The following DENND6A variants were observed in gnomAD, a reference collection of about 807,000 sequenced individuals.
DENND6A encodes the protein DENN domain containing 6A.
In DENND6A, 43 loss-of-function variants were observed where a neutral mutation model predicts 95.5. The observed-to-expected ratio is 0.45, with a 90% CI of 0.35 to 0.58. DENND6A has a LOEUF of 0.58. Among genes scored for constraint, DENND6A ranks in the 20% least tolerant of loss-of-function variants. The pLI is 0.00. For missense variants in DENND6A, 574 were observed against 736.0 expected (o/e 0.78, Z 2.55); for synonymous variants, 257 against 260.4 (o/e 0.99, Z 0.13).
chr3:57,648,688 A>C (rs1041961993), intron 9 of DENND6A, among the ~76,000 whole-genome samples: 2 of 152,256 alleles, frequency 1.3e-5, no homozygotes, highest in African/African-American at 4.8e-5. Flanking sequence ...AATGGAACAG[A>C]ACAGAGAACC....
chr3:57,680,539 G>A (rs1371052927), intron 1 of DENND6A, among the ~76,000 whole-genome samples: 2 of 152,220 alleles, frequency 1.3e-5, no homozygotes, highest in African/African-American at 4.8e-5. Context: ...CCAGTACCTT[G>A]ATCTTGGACT....
intron 10 of DENND6A, among the ~76,000 whole-genome samples, chr3:57,646,039 A>G (rs139571890): frequency 1.4e-4 from 21 of 152,350 alleles, no homozygotes; most frequent in African/African-American, 4.1e-4. Context: ...CACACAAGTA[A>G]TATTTATCAA....
At chr3:57,691,914 T>C (rs905605181) in intron 1 of DENND6A, among the ~76,000 whole-genome samples, 2 of 142,446 alleles carry the variant, frequency 1.4e-5, no homozygotes, top group African/African-American at 2.5e-5. Context: ...ACACCAACTG[T>C]TCCAGAGGCA....
intron 18 of DENND6A, 136 bp from the exon 19 acceptor site, chr3:57,629,021 A>C: frequency 1.6e-6 from 1 of 611,574 alleles, no homozygotes; most frequent in Non-Finnish European, 2.7e-6. Flanking sequence ...ATATAGCATT[A>C]TAGTGCAAGA....
intron 5 of DENND6A, among the ~76,000 whole-genome samples, chr3:57,661,943 T>C (rs2071430146): frequency 6.6e-6 from 1 of 152,202 alleles, no homozygotes; most frequent in South Asian, 2.1e-4. Context: ...AGTTATATTT[T>C]ACAGTTCAAC....
At chr3:57,667,380 C>T (rs2071541246) in intron 3 of DENND6A, among the ~76,000 whole-genome samples, 1 of 151,936 alleles carries the variant, frequency 6.6e-6, no homozygotes, top group Non-Finnish European at 1.5e-5. Context: ...TGGTCTTGAA[C>T]TCCTGGGCTC....
intron 12 of DENND6A, 22 bp downstream of exon 12, chr3:57,641,629 CAG>C: frequency 6.3e-7 from 1 of 1,590,534 alleles, no homozygotes; most frequent in Non-Finnish European, 8.6e-7. Flanking sequence ...ACACTAGAAA[CAG>C]AACACCAAGT....
intron 1 of DENND6A, among the ~76,000 whole-genome samples, chr3:57,678,675 C>T (rs2077130907): frequency 1.3e-5 from 2 of 152,238 alleles, no homozygotes; most frequent in Non-Finnish European, 2.9e-5. Flanking sequence ...CTCTCTTTCT[C>T]TCTACCATGT....
intron 14 of DENND6A, among the ~76,000 whole-genome samples, chr3:57,633,800 G>A (rs946006929): frequency 6.6e-6 from 1 of 151,850 alleles, no homozygotes; most frequent in African/African-American, 2.4e-5. Context: ...TGAGACAGAA[G>A]AATTGCTTGA....
rs893826500 is a variant in DENND6A, at chr3:57,633,878, C to T, written c.1264-524G>A. On this transcript the variant is annotated intron_variant, in intron 14 of 19. Coordinates refer to ENST00000311128, the MANE Select transcript of DENND6A (RefSeq NM_152678.3). ...TGCACTCCAGCCTGGGCAACAAGAG[C>T]GAAACTCCATCTCAAAAAAAAAAAA... Among the ~76,000 whole-genome samples the T allele has an allele frequency of 4.0e-5, 6 of 148,820 alleles. No individual in the cohort carries two copies. The South Asian group carries it at 6.4e-4, about 16-fold the overall frequency.
In DENND6A at chr3:57,638,902, G is replaced by A. The variant is rs577982674; in HGVS notation, c.1132+2751C>T. On this transcript the variant is annotated intron_variant, in intron 12 of 19. Transcript: ENST00000311128. Reference sequence around the variant, plus strand: ...AGGACTGCTTGAGCACAGGAGTTTAGGACCAGCAACATTGCAAGATCCTGT... The same window carrying A: ...AGGACTGCTTGAGCACAGGAGTTTAAGACCAGCAACATTGCAAGATCCTGT... Among the ~76,000 whole-genome samples the A allele has an allele frequency of 1.3e-4, 20 of 152,026 alleles. No individual in the cohort carries two copies. The South Asian group carries it at 4.2e-3, about 32-fold the overall frequency.
chr3:57,672,664 T>C (rs2071637457), intron 1 of DENND6A, among the ~76,000 whole-genome samples: 1 of 151,954 alleles, frequency 6.6e-6, no homozygotes, highest in Admixed American at 6.6e-5. Flanking sequence ...GCACCTGTAG[T>C]CCCACCTACT....
intron 9 of DENND6A, among the ~76,000 whole-genome samples, chr3:57,649,530 T>A (rs201405582): frequency 2.9e-3 from 406 of 138,814 alleles, no homozygotes; most frequent in East Asian, 5.1e-3. Context: ...AAGGAAGTCA[T>A]AAAAAAAAAA....
intron 8 of DENND6A, among the ~76,000 whole-genome samples, chr3:57,658,519 C>A (rs560825143): frequency 2.0e-5 from 3 of 152,234 alleles, no homozygotes; most frequent in Non-Finnish European, 4.4e-5. Context: ...CAGAGGGAGA[C>A]CCTGTCCTTG....
At chr3:57,656,399 G>A (rs575855201) in intron 9 of DENND6A, among the ~76,000 whole-genome samples, 4 of 152,086 alleles carry the variant, frequency 2.6e-5, no homozygotes, top group African/African-American at 9.6e-5. Context: ...GTGCATTCAT[G>A]TATTACATTT....
intron 1 of DENND6A, among the ~76,000 whole-genome samples, chr3:57,673,368 G>A (rs1254881252): frequency 6.6e-6 from 1 of 151,934 alleles, no homozygotes; most frequent in Non-Finnish European, 1.5e-5. Flanking sequence ...CTAAAAAGAG[G>A]AACTCACAGA....
chr3:57,628,259 C>T lies in DENND6A; in HGVS notation c.1782G>A (p.Leu594=). 2 of 1,614,010 alleles carry T rather than the reference C, an allele frequency of 1.2e-6. 1 individual carries two copies. The highest frequency in any genetic ancestry group is 1.7e-6 in the Non-Finnish European group (2 of 1,179,996). Residue 594 remains leucine (L), a synonymous_variant, in exon 20 of 20, where the codon TTG becomes TTA. Coordinates refer to ENST00000311128, the MANE Select transcript of DENND6A (RefSeq NM_152678.3). ...GCAGTATGCCTTGCAAGTCCTCTGG[C>T]AATGCTAAGATAATGGCATCTATGT... ...RTHIDAIILA[L]PEDLQGILLK...
At chr3:57,668,837 C>G (rs1208075993) in intron 3 of DENND6A, among the ~76,000 whole-genome samples, 1 of 152,150 alleles carries the variant, frequency 6.6e-6, no homozygotes, top group Non-Finnish European at 1.5e-5. Flanking sequence ...TAAAGGTTAT[C>G]CTGGGAAATA....
At chr3:57,662,780 T>C (rs147649662) in intron 5 of DENND6A, among the ~76,000 whole-genome samples, 2 of 151,802 alleles carry the variant, frequency 1.3e-5, no homozygotes, top group East Asian at 1.9e-4. Context: ...GTTAAACATA[T>C]AGAGACAGGT....
Sources: gnomAD v4.1 joint callset for allele counts (sites outside exome capture counted in the v4.1 genomes callset) on GRCh38, gnomAD v4.1.1 for gene constraint, MANE v1.5 for transcripts, NCBI Gene and HGNC (gene_info 2026-07-23, HGNC 2026-07-21) for gene names.